Variants in GLIS3 observed in about 807,000 individuals in gnomAD.
GLIS3 encodes GLIS family zinc finger 3, also known as zinc finger protein GLIS3.
Under a neutral mutation model 78.6 loss-of-function variants are expected in GLIS3, and 53 were observed. The observed-to-expected ratio is 0.67, with a 90% CI of 0.54 to 0.85. GLIS3 has a LOEUF of 0.85. Ranked by LOEUF, GLIS3 falls within the 40% of genes least tolerant of loss-of-function variation. GLIS3 has a pLI of 0.00. For synonymous variants in GLIS3, 684 were observed against 509.9 expected, an observed-to-expected ratio of 1.34 and a Z score of -4.60; for missense variants, 1,703 against 1,231.1, an observed-to-expected ratio of 1.38 and a Z score of -5.74.
chr9:3,945,055 G>A (rs1018187519), intron 4 of GLIS3, among the ~76,000 whole-genome samples: 2 of 152,194 alleles, frequency 1.3e-5, no homozygotes, highest in Non-Finnish European at 2.9e-5. Flanking sequence ...CATAGGAGCA[G>A]CATTAATGCC....
At chr9:4,085,536 G>A (rs542555331) in intron 4 of GLIS3, among the ~76,000 whole-genome samples, 2 of 152,080 alleles carry the variant, frequency 1.3e-5, no homozygotes, top group East Asian at 3.9e-4. Flanking sequence ...TTTCTCCCCT[G>A]CCCATTCTAT....
intron 2 of GLIS3, among the ~76,000 whole-genome samples, chr9:4,245,987 G>A (rs1455765093): frequency 1.3e-5 from 2 of 152,112 alleles, no homozygotes; most frequent in Admixed American, 1.3e-4. Context: ...ATTCTCGGCT[G>A]TGTTTCTACC....
chr9:4,409,134 T>C, the GLIS3 span, among the ~76,000 whole-genome samples: 1 of 152,202 alleles, frequency 6.6e-6, no homozygotes, highest in Non-Finnish European at 1.5e-5. Flanking sequence ...TCCTGTTAAA[T>C]TTCTTCATTT....
chr9:4,107,000 C>T (rs986640551), intron 4 of GLIS3, among the ~76,000 whole-genome samples: 1 of 151,866 alleles, frequency 6.6e-6, no homozygotes, highest in African/African-American at 2.4e-5. Context: ...GCAATGGAAT[C>T]CTTGGAGAGT....
At chr9:4,365,615 A>T in the GLIS3 span, among the ~76,000 whole-genome samples, 3 of 152,168 alleles carry the variant, frequency 2.0e-5, no homozygotes, top group African/African-American at 7.2e-5. Context: ...AAAACCTTGC[A>T]TTGCATCTTA....
chr9:4,112,042 T>C (rs1831254395), intron 4 of GLIS3, among the ~76,000 whole-genome samples: 2 of 152,208 alleles, frequency 1.3e-5, no homozygotes, highest in African/African-American at 2.4e-5. Flanking sequence ...GCATTGTGTT[T>C]GGAAGAGAGA....
chr9:3,886,664 A>G (rs577406341), intron 7 of GLIS3, among the ~76,000 whole-genome samples: 114 of 152,330 alleles, frequency 7.5e-4, no homozygotes, highest in African/African-American at 2.5e-3. Context: ...TTGGCCCCCA[A>G]TAGTGAAAAT....
intron 4 of GLIS3, among the ~76,000 whole-genome samples, chr9:4,056,008 C>T (rs4741883): frequency 0.88 from 133,931 of 152,214 alleles, 59,290 homozygotes; most frequent in East Asian, 1. Context: ...TGGTGAAGGA[C>T]TGATAGGATG....
chr9:4,092,087 C>T (rs1465191813), intron 4 of GLIS3, among the ~76,000 whole-genome samples: 1 of 151,880 alleles, frequency 6.6e-6, no homozygotes, highest in Non-Finnish European at 1.5e-5. Context: ...ACTTAGGCTA[C>T]ACTAAATCTA....
chr9:4,470,123 AC>A, the GLIS3 span, among the ~76,000 whole-genome samples: 1 of 152,178 alleles, frequency 6.6e-6, no homozygotes, highest in Non-Finnish European at 1.5e-5. Flanking sequence ...TAACCCACCA[AC>A]CAAAAACAGT....
At chr9:4,205,987 G>T (rs1227133326) in intron 2 of GLIS3, among the ~76,000 whole-genome samples, 1 of 152,110 alleles carries the variant, frequency 6.6e-6, no homozygotes, top group Non-Finnish European at 1.5e-5. Flanking sequence ...TTGTTTGCTT[G>T]CTTGTTCCAA....
upstream of GLIS3, among the ~76,000 whole-genome samples, chr9:4,300,545 C>A (rs1393867029): frequency 6.6e-6 from 1 of 152,062 alleles, no homozygotes; most frequent in Non-Finnish European, 1.5e-5. Context: ...GCTTTGGCAT[C>A]CTTTCCAAGT....
At chr9:4,161,019 G>T (rs550250050) in intron 2 of GLIS3, among the ~76,000 whole-genome samples, 1 of 150,760 alleles carries the variant, frequency 6.6e-6, no homozygotes, top group Non-Finnish European at 1.5e-5. Context: ...TAAGGTGGAA[G>T]GATTGCTTCA....
chr9:4,474,697 ATTT>A, the GLIS3 span, among the ~76,000 whole-genome samples: 11 of 128,326 alleles, frequency 8.6e-5, no homozygotes, highest in African/African-American at 8.1e-5. Flanking sequence ...GTCCAAAGCA[ATTT>A]TTTTTTTTTT....
At chr9:4,379,727 T>C in the GLIS3 span, among the ~76,000 whole-genome samples, 2 of 152,240 alleles carry the variant, frequency 1.3e-5, no homozygotes, top group African/African-American at 2.4e-5. Flanking sequence ...ATAAAACATA[T>C]TCATTCGCAG....
the GLIS3 span, among the ~76,000 whole-genome samples, chr9:4,453,410 G>T: frequency 6.7e-6 from 1 of 149,878 alleles, no homozygotes; most frequent in East Asian, 2.0e-4. Flanking sequence ...AGAATGGGAG[G>T]AAATTTTTGC....
At chr9:3,906,459 A>G (rs1432528412) in intron 6 of GLIS3, among the ~76,000 whole-genome samples, 2 of 152,208 alleles carry the variant, frequency 1.3e-5, no homozygotes, top group Non-Finnish European at 2.9e-5. Context: ...GGAGCCAAGC[A>G]TGGCCTTAAG....
chr9:3,910,858 T>TA (rs1179702386), intron 6 of GLIS3, among the ~76,000 whole-genome samples: 1 of 152,216 alleles, frequency 6.6e-6, no homozygotes, highest in African/African-American at 2.4e-5. Flanking sequence ...AGTCACTTAC[T>TA]AAAACATCAG....
At chr9:4,343,079 C>G (rs1817857511) in intron 2 of GLIS3, among the ~76,000 whole-genome samples, 1 of 152,142 alleles carries the variant, frequency 6.6e-6, no homozygotes, top group Non-Finnish European at 1.5e-5. Context: ...TGGCTCATGC[C>G]TACAATCCCA....
Sources: gnomAD v4.1 joint callset for allele counts (sites outside exome capture counted in the v4.1 genomes callset) on GRCh38, gnomAD v4.1.1 for gene constraint, MANE v1.5 for transcripts, NCBI Gene and HGNC (gene_info 2026-07-23, HGNC 2026-07-21) for gene names.